Variants in CSMD1 observed in about 807,000 individuals in gnomAD.
CSMD1 encodes the protein CUB and sushi domain-containing protein 1.
In CSMD1, 213 loss-of-function variants were observed where a neutral mutation model predicts 417.5. That is an observed-to-expected ratio of 0.51 (90% CI 0.46 to 0.57). The LOEUF (loss-of-function observed/expected upper bound fraction) is 0.57. Among genes scored for constraint, CSMD1 ranks in the 20% least tolerant of loss-of-function variants. CSMD1 has a pLI of 0.00. For synonymous variants in CSMD1, 2,862 were observed against 1,736.8 expected (o/e 1.65, Z -16.11); for missense variants, 6,923 against 4,529.7 (o/e 1.53, Z -15.17).
intron 1 of CSMD1, among the ~76,000 whole-genome samples, chr8:4,807,236 G>C (rs574712468): frequency 1.8e-4 from 28 of 152,254 alleles, no homozygotes; most frequent in African/African-American, 6.5e-4. Context: ...GGGTTCGGCA[G>C]CTTCTCCCAC....
rs768222240 is a variant in CSMD1, at chr8:3,219,328, G to T, written c.4599C>A (p.Ser1533Arg). The T allele has an allele frequency of 8.2e-6, 13 of 1,585,640 alleles. No homozygotes were observed. The highest frequency in any genetic ancestry group is 4.6e-5 in the East Asian group (2 of 43,868). Residue 1533 changes from serine (S) to arginine (R), a missense_variant, in exon 29 of 70, where the codon AGC becomes AGA. Coordinates refer to ENST00000635120, the MANE Select transcript of CSMD1 (RefSeq NM_033225.6). ...GAAATGCCAGAAACAGGCTGTTTCC[G>T]CTACTCTCTATTCTTTCTGGGGCCT... ...GSQAPERIES[S>R]GNSLFLAFRS...
chr8:4,320,992 C>T (rs752392284), intron 3 of CSMD1, among the ~76,000 whole-genome samples: 1 of 152,096 alleles, frequency 6.6e-6, no homozygotes, highest in Non-Finnish European at 1.5e-5. Context: ...CTCCTTATAC[C>T]AGTTTCTCTG....
At chr8:4,958,221 C>A (rs1809249831) in intron 1 of CSMD1, among the ~76,000 whole-genome samples, 1 of 152,064 alleles carries the variant, frequency 6.6e-6, no homozygotes, top group South Asian at 2.1e-4. Context: ...TTATAGTTTT[C>A]ATGAAGAGTC....
At chr8:4,957,934 T>C (rs1429442178) in intron 1 of CSMD1, among the ~76,000 whole-genome samples, 2 of 152,210 alleles carry the variant, frequency 1.3e-5, no homozygotes, top group African/African-American at 2.4e-5. Flanking sequence ...AGTCATTTAC[T>C]TGAAGTACTC....
At chr8:3,034,263 G>A (rs1554494699) in intron 50 of CSMD1, among the ~76,000 whole-genome samples, 1 of 152,088 alleles carries the variant, frequency 6.6e-6, no homozygotes, top group African/African-American at 2.4e-5. Context: ...ATGCTTTTTT[G>A]TCCTTTTTTA....
intron 3 of CSMD1, among the ~76,000 whole-genome samples, chr8:4,128,223 G>A (rs1031647809): frequency 5.3e-5 from 8 of 152,010 alleles, no homozygotes; most frequent in African/African-American, 1.2e-4. Flanking sequence ...CTCCTTGAAA[G>A]GCATGTTTCT....
chr8:3,082,783 A>G lies in CSMD1; in HGVS notation c.7474+4314T>C, dbSNP rs562159556. On this transcript the variant is annotated intron_variant, in intron 49 of 69. Coordinates refer to ENST00000635120, the MANE Select transcript of CSMD1 (RefSeq NM_033225.6). ...AAATTATACAAAAGATACCCTCTCC[A>G]TAAACATAGCCCTTGTATCTACTTT... 2.7e-4 allele frequency among the ~76,000 whole-genome samples: 41 copies of G among 152,338 alleles called. No individual in the cohort carries two copies. The South Asian group carries it at 8.3e-3, about 31-fold the overall frequency.
intron 10 of CSMD1, among the ~76,000 whole-genome samples, chr8:3,561,073 C>T (rs1269708703): frequency 1.3e-5 from 2 of 152,178 alleles, no homozygotes; most frequent in Non-Finnish European, 2.9e-5. Context: ...CAAAGAAATA[C>T]ACATTAGAAC....
intron 7 of CSMD1, among the ~76,000 whole-genome samples, chr8:3,682,962 T>C (rs955548633): frequency 6.6e-6 from 1 of 151,980 alleles, no homozygotes; most frequent in African/African-American, 2.4e-5. Flanking sequence ...AACCAAACAC[T>C]GCATGTTGTC....
At chr8:3,610,094 T>C (rs1053355729) in intron 8 of CSMD1, among the ~76,000 whole-genome samples, 15 of 152,076 alleles carry the variant, frequency 9.9e-5, no homozygotes, top group African/African-American at 2.4e-4. Context: ...AACATCAACA[T>C]TTGTAATGAA....
intron 4 of CSMD1, among the ~76,000 whole-genome samples, chr8:4,012,289 C>T (rs1208562363): frequency 6.6e-6 from 1 of 152,088 alleles, no homozygotes; most frequent in Non-Finnish European, 1.5e-5. Context: ...AGTCATCATG[C>T]CAGTTTCATT....
intron 5 of CSMD1, among the ~76,000 whole-genome samples, chr8:3,907,935 T>G (rs930407400): frequency 9.2e-5 from 14 of 152,124 alleles, no homozygotes; most frequent in Admixed American, 4.6e-4. Flanking sequence ...ATTCACTGAT[T>G]GATTTTTTTG....
At chr8:4,158,463 T>C (rs777931679) in intron 3 of CSMD1, among the ~76,000 whole-genome samples, 6 of 152,088 alleles carry the variant, frequency 3.9e-5, no homozygotes, top group South Asian at 2.1e-4. Flanking sequence ...GTAATACTAA[T>C]ACAGCCGCTA....
intron 3 of CSMD1, among the ~76,000 whole-genome samples, chr8:4,129,423 C>G (rs1006248476): frequency 1.3e-5 from 2 of 152,116 alleles, no homozygotes; most frequent in Non-Finnish European, 2.9e-5. Flanking sequence ...CTAATTTCCT[C>G]TTTTAGGTAG....
chr8:3,367,551 T>G (rs1377748214), intron 19 of CSMD1, among the ~76,000 whole-genome samples: 1 of 152,210 alleles, frequency 6.6e-6, no homozygotes, highest in South Asian at 2.1e-4. Flanking sequence ...TTAATCAAAA[T>G]ATTAAAATGT....
At chr8:4,892,235 G>C (rs1248005101) in intron 1 of CSMD1, among the ~76,000 whole-genome samples, 2 of 152,038 alleles carry the variant, frequency 1.3e-5, no homozygotes, top group African/African-American at 4.8e-5. Flanking sequence ...CAATAAAATA[G>C]TGCTCTTCTA....
intron 1 of CSMD1, among the ~76,000 whole-genome samples, chr8:4,759,662 G>A (rs1201380588): frequency 6.6e-6 from 1 of 152,130 alleles, no homozygotes. Flanking sequence ...AGAATATGTG[G>A]TGTTTGGTTT....
chr8:4,585,126 G>A (rs868612745), intron 2 of CSMD1, among the ~76,000 whole-genome samples: 1 of 150,306 alleles, frequency 6.7e-6, no homozygotes, highest in African/African-American at 2.4e-5. Context: ...AATAGAAAGA[G>A]ACTAACAGGA....
Position 3,393,342 on chromosome 8 carries a change from C to T in CSMD1, c.2593+2852G>A, listed in dbSNP as rs138404171. Among the ~76,000 whole-genome samples, 5 of 152,266 alleles carry T rather than the reference C, an allele frequency of 3.3e-5. No individual in the cohort carries two copies. In the East Asian group the frequency reaches 7.7e-4, roughly 24 times the overall value. On this transcript the variant is annotated intron_variant, in intron 17 of 69. Coordinates refer to ENST00000635120, the MANE Select transcript of CSMD1 (RefSeq NM_033225.6). ...CTATACAGCTACCTCCTGAGACTTC[C>T]AACAAGGTGGAAAGAAGAGGGAATG...
Sources: allele counts gnomAD v4.1 joint callset (sites outside exome capture counted in the v4.1 genomes callset), GRCh38; gene constraint gnomAD v4.1.1; transcripts MANE v1.5; gene names NCBI Gene and HGNC (gene_info 2026-07-23, HGNC 2026-07-21).